MARCHF1: variants seen among roughly 807,000 people sequenced by gnomAD.
MARCHF1 encodes E3 ubiquitin-protein ligase MARCHF1.
A neutral mutation model predicts 54.2 loss-of-function variants in MARCHF1; 40 were observed. The ratio of observed to expected loss-of-function variants is 0.74; its 90% CI spans 0.57 to 0.96. MARCHF1 has a LOEUF of 0.96. MARCHF1 is among the 40% of genes least tolerant of loss of function. The probability of loss-of-function intolerance (pLI) is 0.00; values close to 1 mark genes in which losing one functional copy is unlikely to be tolerated. For synonymous variants in MARCHF1, 236 were observed against 236.3 expected, an observed-to-expected ratio of 1.00 and a Z score of 0.01; for missense variants, 586 against 656.5, an observed-to-expected ratio of 0.89 and a Z score of 1.17.
intron 8 of MARCHF1, among the ~76,000 whole-genome samples, chr4:163,546,462 A>G (rs1442251960): frequency 3.9e-5 from 6 of 152,198 alleles, no homozygotes. Context: ...TTGTGGTACT[A>G]GGTTATACGT....
At chr4:164,012,990 G>A (rs1753455488) in intron 2 of MARCHF1, among the ~76,000 whole-genome samples, 1 of 152,094 alleles carries the variant, frequency 6.6e-6, no homozygotes, top group South Asian at 2.1e-4. Context: ...AGACATCAGT[G>A]AATGCCCTCA....
intron 1 of MARCHF1, among the ~76,000 whole-genome samples, chr4:164,207,053 G>C (rs1327990160): frequency 2.0e-5 from 3 of 152,122 alleles, no homozygotes; most frequent in Non-Finnish European, 4.4e-5. Context: ...ACTGCTCTAA[G>C]CATTTATTGT....
intron 1 of MARCHF1, among the ~76,000 whole-genome samples, chr4:164,250,365 G>T (rs1277732194): frequency 6.6e-6 from 1 of 152,050 alleles, no homozygotes; most frequent in Admixed American, 6.6e-5. Context: ...CCAGATTTTA[G>T]AATGTTCCCC....
At chr4:164,269,810 A>T (rs921029496) in intron 1 of MARCHF1, among the ~76,000 whole-genome samples, 7 of 152,026 alleles carry the variant, frequency 4.6e-5, no homozygotes, top group African/African-American at 1.4e-4. Flanking sequence ...TCAAGGTGTG[A>T]AGGTAACATC....
intron 4 of MARCHF1, among the ~76,000 whole-genome samples, chr4:163,749,496 C>T (rs1746457761): frequency 6.6e-6 from 1 of 152,024 alleles, no homozygotes; most frequent in Admixed American, 6.5e-5. Context: ...GGGTGATCAT[C>T]TTTGCCTTTT....
At chr4:164,015,609 C>T (rs778999727) in intron 2 of MARCHF1, among the ~76,000 whole-genome samples, 2 of 151,404 alleles carry the variant, frequency 1.3e-5, no homozygotes, top group African/African-American at 4.9e-5. Flanking sequence ...AACTCAATAG[C>T]AAAACAAACA....
chr4:164,265,703 T>C (rs1579673984), intron 1 of MARCHF1, among the ~76,000 whole-genome samples: 1 of 152,004 alleles, frequency 6.6e-6, no homozygotes, highest in African/African-American at 2.4e-5. Context: ...TTTGTCTCTT[T>C]CCCAGATCCA....
At chr4:163,927,001 T>TTTTAAGC (rs1751552370) in intron 3 of MARCHF1, among the ~76,000 whole-genome samples, 1 of 151,796 alleles carries the variant, frequency 6.6e-6, no homozygotes, top group Admixed American at 6.6e-5. Context: ...CCAATGCTAA[T>TTTTAAGC]TTTAAGCTAT....
Position 163,561,002 on chromosome 4 carries a change from TTTTA to T in MARCHF1, c.1192-15263_1192-15260del, listed in dbSNP as rs1275602871. On this transcript the variant is annotated intron_variant, in intron 8 of 9. Coordinates refer to ENST00000514618, the MANE Select transcript of MARCHF1 (RefSeq NM_001394959.1). ...TTTGAATCTTTTCCAATCGAGATGC[TTTTA>T]TTTGTTTTTCTTGCTTTATTGCACT... Among the ~76,000 whole-genome samples, 8 of 152,136 alleles carry T rather than the reference TTTTA, an allele frequency of 5.3e-5. No homozygotes were observed. In the South Asian group the frequency reaches 8.3e-4, roughly 16 times the overall value.
chr4:163,919,994 A>G (rs544256082), intron 3 of MARCHF1, among the ~76,000 whole-genome samples: 2 of 152,168 alleles, frequency 1.3e-5, no homozygotes, highest in Non-Finnish European at 2.9e-5. Flanking sequence ...AGTCTTCTTG[A>G]TTGCATTTCT....
intron 1 of MARCHF1, among the ~76,000 whole-genome samples, chr4:164,163,807 G>A (rs1291144715): frequency 6.6e-6 from 1 of 151,834 alleles, no homozygotes; most frequent in East Asian, 1.9e-4. Flanking sequence ...AAGGGAATGT[G>A]TAACATTTAC....
In MARCHF1 at chr4:163,753,533, C is replaced by T. The variant is rs548278825; in HGVS notation, c.112-52670G>A. ...ATATTGTCATAAATAGCCTGAGAAA[C>T]CTGGGATGGGGGGTGAGAGAAAGCC... On this transcript the variant is annotated intron_variant, in intron 4 of 9. Transcript: ENST00000514618. 2.0e-5 allele frequency among the ~76,000 whole-genome samples: 3 copies of T among 151,870 alleles called. No homozygotes were observed. The South Asian group carries it at 6.2e-4, about 32-fold the overall frequency.
intron 1 of MARCHF1, among the ~76,000 whole-genome samples, chr4:164,301,678 G>A (rs1348496684): frequency 6.6e-6 from 1 of 152,156 alleles, no homozygotes; most frequent in Non-Finnish European, 1.5e-5. Flanking sequence ...TATTTAGGGA[G>A]TGAGCAGATA....
intron 2 of MARCHF1, among the ~76,000 whole-genome samples, chr4:164,082,995 T>A (rs1755130101): frequency 6.6e-6 from 1 of 152,222 alleles, no homozygotes; most frequent in Non-Finnish European, 1.5e-5. Context: ...TCTAAATTAT[T>A]TGTTAAAATC....
At chr4:164,096,562 T>C (rs935554409) in intron 2 of MARCHF1, among the ~76,000 whole-genome samples, 1 of 134,518 alleles carries the variant, frequency 7.4e-6, no homozygotes, top group African/African-American at 3.1e-5. Context: ...ATTTCCTGTA[T>C]CTAAAATTAA....
intron 3 of MARCHF1, among the ~76,000 whole-genome samples, chr4:163,945,373 T>A (rs1752003731): frequency 6.6e-6 from 1 of 152,180 alleles, no homozygotes; most frequent in Non-Finnish European, 1.5e-5. Flanking sequence ...TATTTGATAA[T>A]AAGCATGTAT....
At chr4:164,251,776 C>T (rs2111245767) in intron 1 of MARCHF1, among the ~76,000 whole-genome samples, 2 of 152,112 alleles carry the variant, frequency 1.3e-5, no homozygotes, top group East Asian at 3.9e-4. Context: ...ATCATAGCTG[C>T]ATGCTAATAA....
rs763144587 is a variant in MARCHF1 at position 163,815,259 on chromosome 4, C to CTA, written c.111+38760_111+38761dup. ...ATCCTAGTGATAATCAATGTGCATACTATAAATGTAGTTTTATTTAAAACT... is the reference window on the plus strand; with the variant it reads ...ATCCTAGTGATAATCAATGTGCATACTATATAAATGTAGTTTTATTTAAAACT... On this transcript the variant is annotated intron_variant, in intron 4 of 9. Coordinates refer to ENST00000514618, the MANE Select transcript of MARCHF1 (RefSeq NM_001394959.1). Among the ~76,000 whole-genome samples, 9 of 152,278 alleles carry CTA rather than the reference C, an allele frequency of 5.9e-5. No homozygotes were observed. The East Asian group carries it at 1.2e-3, about 20-fold the overall frequency.
chr4:164,301,029 T>C (rs1734544375), intron 1 of MARCHF1, among the ~76,000 whole-genome samples: 1 of 151,924 alleles, frequency 6.6e-6, no homozygotes, highest in South Asian at 2.1e-4. Flanking sequence ...TTGCCTAGCA[T>C]AAGATCTTCG....
Sources: allele counts gnomAD v4.1 joint callset (sites outside exome capture counted in the v4.1 genomes callset), GRCh38; gene constraint gnomAD v4.1.1; transcripts MANE v1.5; gene names NCBI Gene and HGNC (gene_info 2026-07-23, HGNC 2026-07-21).